PTK2: variants seen among roughly 807,000 people sequenced by gnomAD.
PTK2 encodes focal adhesion kinase 1.
A neutral mutation model predicts 150.1 loss-of-function variants in PTK2; 45 were observed. The ratio of observed to expected loss-of-function variants is 0.30; its 90% CI spans 0.24 to 0.38. The LOEUF (loss-of-function observed/expected upper bound fraction) is 0.38. Ranked by LOEUF, PTK2 falls within the 10% of genes least tolerant of loss-of-function variation. The pLI, the probability that PTK2 is intolerant of heterozygous loss-of-function variation, is 1.00. For synonymous variants in PTK2, 432 were observed against 449.2 expected (o/e 0.96, Z 0.48); for missense variants, 919 against 1,307.3 (o/e 0.70, Z 4.58).
In PTK2 at chr8:140,695,128, C is replaced by T. The variant is rs191400483; in HGVS notation, c.2499+5763G>A. ...CATCATCATGTTTCCCTGACATGGA[C>T]TCCTCATTCTGAATTTTATTTCATT... On this transcript the variant is annotated intron_variant, in intron 26 of 31. Transcript: ENST00000522684. Among the ~76,000 whole-genome samples the T allele has an allele frequency of 7.5e-3, 1,141 of 152,340 alleles. 7 individuals are homozygous for T. Among genetic ancestry groups the T allele is most frequent in the Non-Finnish European group, 0.01 (687 of 68,026 alleles).
intron 1 of PTK2, among the ~76,000 whole-genome samples, chr8:140,978,789 C>A (rs905271398): frequency 7.5e-6 from 1 of 133,336 alleles, no homozygotes. Flanking sequence ...ATAAATCATG[C>A]TGCTATAAAG....
At chr8:140,720,272 T>C (rs1384909114) in intron 22 of PTK2, among the ~76,000 whole-genome samples, 1 of 152,214 alleles carries the variant, frequency 6.6e-6, no homozygotes, top group African/African-American at 2.4e-5. Context: ...ACACCTTCTG[T>C]TATACTTTGA....
At chr8:140,968,671 G>C (rs749942621) in intron 1 of PTK2, among the ~76,000 whole-genome samples, 3 of 152,152 alleles carry the variant, frequency 2.0e-5, no homozygotes, top group Non-Finnish European at 4.4e-5. Flanking sequence ...ATGTCAAAGA[G>C]ACATTATTCT....
chr8:140,967,519 G>A (rs1413123837), intron 1 of PTK2, among the ~76,000 whole-genome samples: 6 of 149,092 alleles, frequency 4.0e-5, no homozygotes, highest in African/African-American at 7.4e-5. Context: ...GGAGTGCAGC[G>A]GTGCAATCTC....
At chr8:140,810,526 C>T (rs916655779) in intron 10 of PTK2, among the ~76,000 whole-genome samples, 10 of 152,186 alleles carry the variant, frequency 6.6e-5, no homozygotes, top group African/African-American at 2.2e-4. Flanking sequence ...AGAGCTCCCA[C>T]GGGGCAGCCT....
chr8:140,920,011 TA>T (rs1176763477), intron 2 of PTK2, among the ~76,000 whole-genome samples: 8 of 152,140 alleles, frequency 5.3e-5, no homozygotes, highest in African/African-American at 1.9e-4. Flanking sequence ...CCTCTACTCA[TA>T]AAACTGCAGC....
chr8:140,989,447 A>G (rs1262147941), intron 1 of PTK2, among the ~76,000 whole-genome samples: 1 of 151,818 alleles, frequency 6.6e-6, no homozygotes, highest in Admixed American at 6.6e-5. Flanking sequence ...CGCATGCCAC[A>G]AAGCAGGAGA....
chr8:140,746,918 G>T, intron 17 of PTK2, 58 bp from the exon 21 acceptor site: 5 of 1,123,626 alleles, frequency 4.4e-6, no homozygotes, highest in Non-Finnish European at 6.3e-6. Context: ...TTTAGACGGA[G>T]TCTCATTCTG....
chr8:140,685,371 A>G (rs191100476), intron 27 of PTK2, among the ~76,000 whole-genome samples: 27 of 152,356 alleles, frequency 1.8e-4, no homozygotes, highest in African/African-American at 4.8e-4. Flanking sequence ...AAGCAACTGC[A>G]ACAAACACAA....
chr8:140,875,189 C>T (rs536048154), intron 4 of PTK2, among the ~76,000 whole-genome samples: 20 of 152,234 alleles, frequency 1.3e-4, no homozygotes, highest in African/African-American at 4.8e-4. Context: ...GCAGAACATA[C>T]TCAGCAGAGT....
Position 140,662,060 on chromosome 8 carries a change from G to C in PTK2, c.2947-2382C>G, listed in dbSNP as rs112395598. 2.5e-3 allele frequency among the ~76,000 whole-genome samples: 387 copies of C among 152,336 alleles called. 7 individuals carry two copies. The highest frequency in any genetic ancestry group is 8.7e-3 in the African/African-American group (363 of 41,568). On this transcript the variant is annotated intron_variant, in intron 31 of 31. Coordinates refer to ENST00000522684, the Ensembl canonical transcript of PTK2. ...CGCCTGTAACCCCAGCACTTTGGGA[G>C]ACCGAGGTAGGAGGATGGCTTGAAG...
At chr8:140,778,927 A>G (rs1452451395) in intron 14 of PTK2, among the ~76,000 whole-genome samples, 1 of 140,830 alleles carries the variant, frequency 7.1e-6, no homozygotes, top group African/African-American at 2.6e-5. Flanking sequence ...GTCTCACAGG[A>G]AAGAGAAATA....
chr8:140,920,659 T>C (rs2100167051), intron 2 of PTK2, among the ~76,000 whole-genome samples: 1 of 152,250 alleles, frequency 6.6e-6, no homozygotes, highest in South Asian at 2.1e-4. Flanking sequence ...ATTGGTTTTA[T>C]GTAATAGCTG....
intron 29 of PTK2, chr8:140,672,060 G>A: frequency 2.5e-6 from 1 of 404,516 alleles, no homozygotes; most frequent in Admixed American, 3.1e-5. Flanking sequence ...TGTGAAAGAT[G>A]TTTCATAATG....
chr8:140,789,617 G>A (rs778487331), intron 13 of PTK2, 91 bp from the exon 14 acceptor site: 55 of 1,229,632 alleles, frequency 4.5e-5, no homozygotes, highest in Admixed American at 2.6e-4. Flanking sequence ...CCTTGGATGA[G>A]GAAGACAAAA....
chr8:140,698,777 G>T (rs2100028403), intron 26 of PTK2, among the ~76,000 whole-genome samples: 1 of 152,120 alleles, frequency 6.6e-6, no homozygotes, highest in Non-Finnish European at 1.5e-5. Context: ...ACCACATCTG[G>T]CTAATTTTTG....
Position 140,746,871 on chromosome 8 carries a change from A to T in PTK2, c.1418-11T>A. ...ACTGACGCATTGTTACTAGGAAAAA[A>T]GTTCTCCATAGTTATTCTTTCTTTT... On this transcript the variant is annotated splice_polypyrimidine_tract_variant and intron_variant, in intron 17 of 31. Coordinates refer to ENST00000522684, the Ensembl canonical transcript of PTK2. 2 of 1,533,362 alleles carry T rather than the reference A, an allele frequency of 1.3e-6. No homozygotes were observed. Among genetic ancestry groups the T allele is most frequent in the South Asian group, 1.2e-5 (1 of 83,876 alleles). 95.0% of individuals were successfully genotyped at this position (1,533,362 alleles called of 1,614,324 possible). A position where few individuals can be genotyped will look rare whatever the true frequency, so the allele number is the denominator to read the frequency against.
intron 29 of PTK2, among the ~76,000 whole-genome samples, chr8:140,671,576 A>G (rs1355393403): frequency 6.6e-6 from 1 of 152,048 alleles, no homozygotes; most frequent in African/African-American, 2.4e-5. Flanking sequence ...GACCTCTACC[A>G]AGCAGACAAT....
chr8:140,863,188 T>G (rs1043401053), intron 5 of PTK2, among the ~76,000 whole-genome samples: 1 of 152,220 alleles, frequency 6.6e-6, no homozygotes, highest in African/African-American at 2.4e-5. Flanking sequence ...TCTTCCTTAT[T>G]TTCATATTCT....
Sources: allele counts gnomAD v4.1 joint callset (sites outside exome capture counted in the v4.1 genomes callset), GRCh38; gene constraint gnomAD v4.1.1; transcripts MANE v1.5; gene names NCBI Gene and HGNC (gene_info 2026-07-23, HGNC 2026-07-21).